MFHAS1: variants seen among roughly 807,000 people sequenced by gnomAD.
MFHAS1 encodes the protein malignant fibrous histiocytoma-amplified sequence 1.
MFHAS1 carries 50 observed loss-of-function variants against 70.4 expected under a neutral mutation model. The ratio of observed to expected loss-of-function variants is 0.71; its 90% CI spans 0.57 to 0.90. The LOEUF is 0.90. MFHAS1 is among the 40% of genes least tolerant of loss of function. The probability of loss-of-function intolerance (pLI) is 0.00; values close to 1 mark genes in which losing one functional copy is unlikely to be tolerated. For missense variants in MFHAS1, 1,795 were observed against 1,347.6 expected, an observed-to-expected ratio of 1.33 and a Z score of -5.20; for synonymous variants, 952 against 620.0, an observed-to-expected ratio of 1.54 and a Z score of -7.96.
intron 1 of MFHAS1, among the ~76,000 whole-genome samples, chr8:8,880,408 T>C (rs1809473170): frequency 6.6e-6 from 1 of 152,150 alleles, no homozygotes; most frequent in Non-Finnish European, 1.5e-5. Flanking sequence ...ATTATGTGAC[T>C]TTCACTCAAT....
intron 1 of MFHAS1, among the ~76,000 whole-genome samples, chr8:8,887,813 T>C (rs1247326647): frequency 1.4e-5 from 2 of 142,424 alleles, no homozygotes; most frequent in Non-Finnish European, 3.0e-5. Context: ...GTGGAATTTA[T>C]GACTGGTAAA....
chr8:8,891,193 G>T lies in MFHAS1; in HGVS notation c.1866C>A (p.Ser622=), dbSNP rs781608176. 1.2e-6 allele frequency: 2 copies of T among 1,613,046 alleles called. No individual in the cohort carries two copies. The highest frequency in any genetic ancestry group is 2.2e-5 in the South Asian group (2 of 91,090). ...YLLNHRLQIL[S]PVLPVSCRDP... ...CCCTGCAGCTAACAGGCAACACGGG[G>T]GAGAGGATCTGCAGCCGGTGGTTGA... The change falls in exon 1 of 3, where the codon TCC becomes TCA. Residue 622 remains serine (S), a synonymous_variant. Coordinates refer to ENST00000276282, the MANE Select transcript of MFHAS1 (RefSeq NM_004225.3). This position sits in a 1 kb window ranked among gnomAD's most constrained non-coding sequence, Gnocchi z 5.4.
In MFHAS1 at chr8:8,853,310, G is replaced by T. The variant is rs529143950; in HGVS notation, c.2998+36751C>A. Among the ~76,000 whole-genome samples the T allele has an allele frequency of 3.3e-5, 5 of 152,038 alleles. No individual in the cohort carries two copies. The East Asian group carries it at 9.7e-4, about 29-fold the overall frequency. On this transcript the variant is annotated intron_variant, in intron 1 of 2. Transcript: ENST00000276282. ...CAGGCGGCAAGCTCCTGTCCTACCT[G>T]CCCCTTTCTACCTTTTGGGAATAAA... is the stretch of plus-strand genomic sequence containing the variant.
chr8:8,829,220 T>C (rs1001470722), intron 1 of MFHAS1, among the ~76,000 whole-genome samples: 13 of 152,352 alleles, frequency 8.5e-5, no homozygotes, highest in African/African-American at 3.1e-4. Context: ...TTCCCCATCC[T>C]GAGTCTGGCA....
At chr8:8,841,644 C>T (rs1487609777) in intron 1 of MFHAS1, among the ~76,000 whole-genome samples, 3 of 151,978 alleles carry the variant, frequency 2.0e-5, no homozygotes, top group Admixed American at 6.6e-5. Context: ...ATGGTAAGGC[C>T]AAAAGGAAGT....
intron 1 of MFHAS1, among the ~76,000 whole-genome samples, chr8:8,873,062 C>A (rs1181509040): frequency 6.6e-6 from 1 of 152,154 alleles, no homozygotes; most frequent in Non-Finnish European, 1.5e-5. Flanking sequence ...ATTACTGTAC[C>A]TTGGGCACAA....
intron 1 of MFHAS1, among the ~76,000 whole-genome samples, chr8:8,811,654 G>A (rs985376077): frequency 6.6e-6 from 1 of 152,194 alleles, no homozygotes; most frequent in African/African-American, 2.4e-5. Context: ...TCCTCTGCAG[G>A]GACGTAAGCT....
intron 1 of MFHAS1, among the ~76,000 whole-genome samples, chr8:8,822,524 C>CCAA (rs1806999078): frequency 1.2e-5 from 1 of 81,008 alleles, no homozygotes; most frequent in African/African-American, 4.7e-5. Context: ...ACAGGGATCA[C>CCAA]GTCAGGGGGA....
intron 1 of MFHAS1, among the ~76,000 whole-genome samples, chr8:8,839,794 G>T (rs78372159): frequency 0.015 from 2,321 of 152,194 alleles, 57 homozygotes; most frequent in African/African-American, 0.053. Flanking sequence ...ACGGTCACCT[G>T]GCTGAATCCA....
At chr8:8,875,408 C>A (rs959181914) in intron 1 of MFHAS1, among the ~76,000 whole-genome samples, 2 of 152,218 alleles carry the variant, frequency 1.3e-5, no homozygotes, top group Admixed American at 1.3e-4. Flanking sequence ...ATACTAATCA[C>A]AGGAAATTAT....
At chr8:8,817,801 C>G (rs1010999800) in intron 1 of MFHAS1, among the ~76,000 whole-genome samples, 2 of 152,194 alleles carry the variant, frequency 1.3e-5, no homozygotes. Context: ...ATGCAGAATT[C>G]ACAATAGAGT....
intron 1 of MFHAS1, among the ~76,000 whole-genome samples, chr8:8,820,459 G>C (rs1194255560): frequency 6.6e-6 from 1 of 152,188 alleles, no homozygotes; most frequent in Non-Finnish European, 1.5e-5. Context: ...GTTAGCGTGA[G>C]AATGGTATTT....
At chr8:8,815,365 C>G (rs1335638472) in intron 1 of MFHAS1, among the ~76,000 whole-genome samples, 1 of 152,082 alleles carries the variant, frequency 6.6e-6, no homozygotes, top group Non-Finnish European at 1.5e-5. Context: ...GATTTATATT[C>G]CTTTAAGTAT....
chr8:8,861,217 T>C (rs1445913351), intron 1 of MFHAS1, among the ~76,000 whole-genome samples: 1 of 152,258 alleles, frequency 6.6e-6, no homozygotes, highest in Non-Finnish European at 1.5e-5. Context: ...TCAGGCCTTG[T>C]GTCTTACAAA....
chr8:8,853,954 TC>T (rs1477831710), intron 1 of MFHAS1, among the ~76,000 whole-genome samples: 1 of 152,180 alleles, frequency 6.6e-6, no homozygotes, highest in African/African-American at 2.4e-5. Context: ...TATTTCCAAT[TC>T]CCATGTTGCA....
intron 1 of MFHAS1, among the ~76,000 whole-genome samples, chr8:8,806,011 T>G (rs1190583934): frequency 1.4e-5 from 2 of 143,968 alleles, no homozygotes; most frequent in African/African-American, 3.0e-5. Context: ...TTTGGGGGTT[T>G]GTTTGTTTTG....
intron 1 of MFHAS1, among the ~76,000 whole-genome samples, chr8:8,808,473 G>C (rs533639595): frequency 8.5e-5 from 13 of 152,348 alleles, no homozygotes; most frequent in Non-Finnish European, 1.5e-4. Flanking sequence ...TGTAAGAGTA[G>C]TGATGCTGGC....
At chr8:8,842,372 G>C (rs1563199665) in intron 1 of MFHAS1, among the ~76,000 whole-genome samples, 2 of 152,164 alleles carry the variant, frequency 1.3e-5, no homozygotes, top group Admixed American at 1.3e-4. Flanking sequence ...TTTTAGTAGA[G>C]ACAGGGTTTC....
chr8:8,855,533 G>A (rs1808404691), intron 1 of MFHAS1, among the ~76,000 whole-genome samples: 1 of 152,182 alleles, frequency 6.6e-6, no homozygotes, highest in East Asian at 1.9e-4. Context: ...ATATCCCACA[G>A]ATTCTTTAAT....
Sources: allele counts gnomAD v4.1 joint callset (sites outside exome capture counted in the v4.1 genomes callset), GRCh38; gene constraint gnomAD v4.1.1; non-coding constraint Gnocchi (gnomAD v3.1); transcripts MANE v1.5; gene names NCBI Gene and HGNC (gene_info 2026-07-23, HGNC 2026-07-21).